Variants in KATNAL2 observed in about 807,000 individuals in gnomAD.
The protein encoded by KATNAL2 is katanin p60 ATPase-containing subunit A-like 2.
A neutral mutation model predicts 76.3 loss-of-function variants in KATNAL2; 52 were observed. The observed-to-expected ratio is 0.68, with a 90% CI of 0.55 to 0.86. The LOEUF is 0.86. Ranked by LOEUF, KATNAL2 falls within the 40% of genes least tolerant of loss-of-function variation. KATNAL2 has a pLI of 0.00. For synonymous variants in KATNAL2, 243 were observed against 244.2 expected (o/e 1.00, Z 0.05); for missense variants, 660 against 668.9 (o/e 0.99, Z 0.15).
At chr18:47,033,112 T>C in intron 3 of KATNAL2, 2 of 1,614,184 alleles carry the variant, frequency 1.2e-6, no homozygotes, top group Non-Finnish European at 1.7e-6. Flanking sequence ...CGCGTGCTCA[T>C]TGCTGCTGCT....
chr18:47,083,401 T>C (rs1353162755), intron 15 of KATNAL2, among the ~76,000 whole-genome samples: 1 of 152,178 alleles, frequency 6.6e-6, no homozygotes, highest in Non-Finnish European at 1.5e-5. Context: ...CAAAAGAAAT[T>C]CCTTACAGTT....
intron 13 of KATNAL2, among the ~76,000 whole-genome samples, chr18:47,072,040 G>A (rs1426560388): frequency 2.5e-5 from 3 of 117,936 alleles, no homozygotes; most frequent in African/African-American, 6.6e-5. Context: ...GTGCATTCTC[G>A]GCTAACTGCA....
At chr18:46,941,825 A>C (rs2059254551) in intron 1 of KATNAL2, among the ~76,000 whole-genome samples, 1 of 152,100 alleles carries the variant, frequency 6.6e-6, no homozygotes, top group Non-Finnish European at 1.5e-5. Context: ...CGAATATAAA[A>C]TTTTCTTTTT....
At chr18:46,945,294 CT>C (rs1419816310) in intron 1 of KATNAL2, among the ~76,000 whole-genome samples, 2 of 152,200 alleles carry the variant, frequency 1.3e-5, no homozygotes, top group African/African-American at 2.4e-5. Flanking sequence ...GAATCAGGAA[CT>C]AATTTGTTCT....
At chr18:47,078,935 T>G (rs1271144205) in intron 15 of KATNAL2, among the ~76,000 whole-genome samples, 1 of 152,198 alleles carries the variant, frequency 6.6e-6, no homozygotes, top group African/African-American at 2.4e-5. Context: ...GTTCCTTATA[T>G]CATTGATTGC....
intron 6 of KATNAL2, among the ~76,000 whole-genome samples, chr18:47,055,795 G>A (rs1352135276): frequency 6.6e-6 from 1 of 152,212 alleles, no homozygotes; most frequent in Non-Finnish European, 1.5e-5. Flanking sequence ...TGCTCTGTGA[G>A]TGAATGGTGT....
At chr18:47,052,030 C>A (rs2147093242) in intron 4 of KATNAL2, among the ~76,000 whole-genome samples, 1 of 152,298 alleles carries the variant, frequency 6.6e-6, no homozygotes. Context: ...ATCTGGGGTC[C>A]TTGGATGAGC....
intron 3 of KATNAL2, among the ~76,000 whole-genome samples, chr18:47,042,788 AAT>A (rs2061006726): frequency 6.6e-6 from 1 of 152,172 alleles, no homozygotes; most frequent in African/African-American, 2.4e-5. Context: ...CCAGAGAAAA[AAT>A]AGTGAAATAA....
chr18:47,031,985 A>C (rs1371444820), intron 3 of KATNAL2, among the ~76,000 whole-genome samples: 1 of 152,158 alleles, frequency 6.6e-6, no homozygotes, highest in Non-Finnish European at 1.5e-5. Flanking sequence ...AGTTTTAAGA[A>C]AGCTAGCAGA....
At chr18:47,034,989 CTCCTCAGGG>C in intron 3 of KATNAL2, 1 of 1,611,618 alleles carries the variant, frequency 6.2e-7, no homozygotes, top group Non-Finnish European at 8.5e-7. Context: ...GGGAAGCGCT[CTCCTCAGGG>C]TCCTGTGGGC....
chr18:47,035,433 A>C, intron 3 of KATNAL2: 1 of 1,406,212 alleles, frequency 7.1e-7, no homozygotes, highest in Non-Finnish European at 9.5e-7. Context: ...GCAGCAGGCC[A>C]CTTGGTCTGG....
intron 6 of KATNAL2, 83 bp downstream of exon 6, chr18:47,054,521 T>G: frequency 1.5e-6 from 2 of 1,305,044 alleles, no homozygotes; most frequent in Non-Finnish European, 2.2e-6. Flanking sequence ...CCATCACAGC[T>G]CTGTGACTGT....
At position 47,033,749 on chromosome 18, in the gene KATNAL2, G is replaced by A. The variant is rs533499836; in HGVS notation, c.52-12708G>A. 11 of 1,614,092 alleles carry A rather than the reference G, an allele frequency of 6.8e-6. No individual in the cohort carries two copies. The Middle Eastern group carries it at 6.6e-4, about 96-fold the overall frequency. ...ACCGGCATCTTAGCATTCACTCTGC[G>A]TCCAGGGAAAGCAGCTTCCTCCCGG... On this transcript the variant is annotated intron_variant, in intron 3 of 17. Coordinates refer to ENST00000683218, the MANE Select transcript of KATNAL2 (RefSeq NM_001387690.1).
intron 1 of KATNAL2, among the ~76,000 whole-genome samples, chr18:46,919,030 TG>T (rs2058346786): frequency 6.6e-6 from 1 of 151,124 alleles, no homozygotes; most frequent in Admixed American, 6.6e-5. Flanking sequence ...TGTGTGTGTG[TG>T]TTGTGTATAT....
chr18:46,960,288 A>C (rs2059897406), intron 3 of KATNAL2, among the ~76,000 whole-genome samples: 1 of 152,074 alleles, frequency 6.6e-6, no homozygotes, highest in Non-Finnish European at 1.5e-5. Flanking sequence ...AAATATAAAA[A>C]ATTAGCTGGG....
chr18:47,097,955 G>A (rs1188658851), intron 15 of KATNAL2, among the ~76,000 whole-genome samples: 1 of 152,108 alleles, frequency 6.6e-6, no homozygotes, highest in Non-Finnish European at 1.5e-5. Context: ...GTTTTGCCAG[G>A]TGTCATAATG....
In KATNAL2 at chr18:47,097,118, C is replaced by CAAAA. The variant is rs58101085; in HGVS notation, c.1212-2106_1212-2103dup. Among the ~76,000 whole-genome samples, 233 of 70,890 alleles carry CAAAA rather than the reference C, an allele frequency of 3.3e-3. 2 individuals are homozygous for CAAAA. The highest frequency in any genetic ancestry group is 9.7e-3 in the African/African-American group (222 of 22,888). The allele number at this position is 70,890 out of a possible 152,430, so 46.5% of individuals were successfully genotyped here. A position where few individuals can be genotyped will look rare whatever the true frequency, so the allele number is the denominator to read the frequency against. ...TGGGCAACAGAGGAAGACCCTGGCT[C>CAAAA]AAAAAAAAAAAAAAAAAAAAAATCC... On this transcript the variant is annotated intron_variant, in intron 15 of 17. Coordinates refer to ENST00000683218, the MANE Select transcript of KATNAL2 (RefSeq NM_001387690.1).
chr18:47,067,067 G>T lies in KATNAL2; in HGVS notation c.773G>T (p.Gly258Val). Reference sequence around the variant, plus strand: ...AACATAAAGTGGAATGACATTATTGGACTTGATGCAGCCAAGCAGTTAGTC... The same window carrying T: ...AACATAAAGTGGAATGACATTATTGTACTTGATGCAGCCAAGCAGTTAGTC... ...NPNIKWNDII[G>V]LDAAKQLVKE... Residue 258 changes from glycine to valine, a missense_variant, in exon 11 of 18, where the codon GGA becomes GTA. Physicochemically the swap from Gly to Val is moderately radical, Grantham distance 109 (BLOSUM62 -3). Transcript: ENST00000683218. The T allele has an allele frequency of 6.3e-7, 1 of 1,589,464 alleles. No homozygotes were observed. The highest frequency in any genetic ancestry group is 1.7e-5 in the Admixed American group (1 of 59,518).
intron 1 of KATNAL2, among the ~76,000 whole-genome samples, chr18:46,925,541 C>T (rs982483903): frequency 6.6e-6 from 1 of 152,084 alleles, no homozygotes; most frequent in African/African-American, 2.4e-5. Context: ...GTCTAAAATT[C>T]TCTTTTTTTG....
Sources: gnomAD v4.1 joint callset for allele counts (sites outside exome capture counted in the v4.1 genomes callset) on GRCh38, gnomAD v4.1.1 for gene constraint, MANE v1.5 for transcripts, NCBI Gene and HGNC (gene_info 2026-07-23, HGNC 2026-07-21) for gene names.